The following FHOD3 variants were observed in gnomAD, a reference collection of about 807,000 sequenced individuals.
The protein encoded by FHOD3 is formin homology 2 domain containing 3.
A neutral mutation model predicts 173.0 loss-of-function variants in FHOD3; 90 were observed. The observed-to-expected ratio is 0.52, with a 90% CI of 0.44 to 0.62. FHOD3 has a LOEUF of 0.62. Ranked by LOEUF, FHOD3 falls within the 20% of genes least tolerant of loss-of-function variation. The pLI, the probability that FHOD3 is intolerant of heterozygous loss-of-function variation, is 0.00. For synonymous variants in FHOD3, 828 were observed against 823.0 expected (o/e 1.01, Z -0.10); for missense variants, 1,945 against 2,034.7 (o/e 0.96, Z 0.85).
chr18:36,654,448 A>G (rs2036276232), intron 13 of FHOD3, among the ~76,000 whole-genome samples: 1 of 152,136 alleles, frequency 6.6e-6, no homozygotes, highest in Non-Finnish European at 1.5e-5. Context: ...TGTCTATTGT[A>G]TATATGCTTT....
intron 28 of FHOD3, among the ~76,000 whole-genome samples, chr18:36,774,817 C>T (rs377686061): frequency 2.0e-5 from 3 of 152,182 alleles, no homozygotes; most frequent in Admixed American, 6.5e-5. Context: ...TTTTGCTCTA[C>T]GATCCTACCC....
chr18:36,400,455 G>T (rs542386389), intron 3 of FHOD3, among the ~76,000 whole-genome samples: 41 of 152,286 alleles, frequency 2.7e-4, no homozygotes, highest in African/African-American at 6.0e-4. Flanking sequence ...TCCACTCAAA[G>T]TGTGGTCCCC....
At chr18:36,549,947 CTG>C (rs1599612964) in intron 5 of FHOD3, among the ~76,000 whole-genome samples, 2 of 151,734 alleles carry the variant, frequency 1.3e-5, no homozygotes, top group East Asian at 3.9e-4. Context: ...AAATTTATAA[CTG>C]TGATCTATTT....
chr18:36,566,736 T>A (rs1458731100), intron 5 of FHOD3, among the ~76,000 whole-genome samples: 2 of 151,746 alleles, frequency 1.3e-5, no homozygotes, highest in African/African-American at 2.4e-5. Flanking sequence ...GGGGCAGTAG[T>A]AGAGAGGAAG....
At chr18:36,746,666 G>A (rs1034120651) in intron 23 of FHOD3, among the ~76,000 whole-genome samples, 9 of 152,136 alleles carry the variant, frequency 5.9e-5, no homozygotes, top group Non-Finnish European at 1.5e-5. Flanking sequence ...TTGATATCAT[G>A]TTTTAATTTA....
chr18:36,418,862 C>G (rs138478522), intron 3 of FHOD3, among the ~76,000 whole-genome samples: 1 of 151,964 alleles, frequency 6.6e-6, no homozygotes, highest in African/African-American at 2.4e-5. Flanking sequence ...TGCAATGAGC[C>G]GAGATCGCGC....
At position 36,720,426 on chromosome 18, in the gene FHOD3, T is replaced by C. The variant is rs531721279; in HGVS notation, c.3417+1711T>C. On this transcript the variant is annotated intron_variant, in intron 19 of 28. Transcript: ENST00000590592. ...CTAATTTTTGTATTTTTAGTAGAGA[T>C]GGGGTTTCACCATGTTGGCCAGGCT... 1.1e-3 allele frequency among the ~76,000 whole-genome samples: 167 copies of C among 151,880 alleles called. 2 individuals are homozygous for C. The South Asian group carries it at 0.014, about 13-fold the overall frequency.
intron 28 of FHOD3, among the ~76,000 whole-genome samples, chr18:36,771,693 C>T (rs2043388799): frequency 6.6e-6 from 1 of 152,222 alleles, no homozygotes. Context: ...CAGTTAACTC[C>T]TGGTCTTTCT....
intron 19 of FHOD3, among the ~76,000 whole-genome samples, chr18:36,723,805 A>G (rs769642787): frequency 6.6e-6 from 1 of 152,216 alleles, no homozygotes; most frequent in Non-Finnish European, 1.5e-5. Flanking sequence ...TGATACTAGT[A>G]AAATACTCTT....
chr18:36,779,519 T>C lies in FHOD3; in HGVS notation c.4858T>C (p.Leu1620=). Reference sequence around the variant, plus strand: ...CCTGGGCTTGGTTGGCACCTCGGAGTTGCAGCTGTGACACTCATAGGTTAC... The same window carrying C: ...CCTGGGCTTGGTTGGCACCTCGGAGCTGCAGCTGTGACACTCATAGGTTAC... ...RALGLVGTSE[L]QL is the part of the protein sequence containing the mutation. Residue 1620 remains leucine (L), a synonymous_variant, in exon 29 of 29, where the codon TTG becomes CTG. Coordinates refer to ENST00000590592, the MANE Select transcript of FHOD3 (RefSeq NM_001281740.3). 1 of 1,614,078 alleles carries C rather than the reference T, an allele frequency of 6.2e-7. No individual in the cohort carries two copies. Among genetic ancestry groups the C allele is most frequent in the Non-Finnish European group, 8.5e-7 (1 of 1,179,996 alleles).
At chr18:36,595,041 G>A in intron 7 of FHOD3, 143 bp downstream of exon 7, 2 of 594,044 alleles carry the variant, frequency 3.4e-6, no homozygotes, top group Non-Finnish European at 5.9e-6. Flanking sequence ...ACGTTTTTTA[G>A]GATAGTAAGC....
At chr18:36,723,014 G>A (rs1235946658) in intron 19 of FHOD3, among the ~76,000 whole-genome samples, 2 of 152,174 alleles carry the variant, frequency 1.3e-5, no homozygotes, top group East Asian at 1.9e-4. Flanking sequence ...GCTGAAGTGT[G>A]CCCAGACACT....
intron 3 of FHOD3, among the ~76,000 whole-genome samples, chr18:36,373,313 C>T (rs1026744858): frequency 8.9e-4 from 135 of 152,282 alleles, no homozygotes; most frequent in African/African-American, 2.9e-3. Flanking sequence ...AAAAAAGGAA[C>T]TAAATTTCAC....
intron 14 of FHOD3, among the ~76,000 whole-genome samples, chr18:36,672,989 T>C (rs1400308485): frequency 2.6e-5 from 4 of 152,234 alleles, no homozygotes; most frequent in Admixed American, 6.5e-5. Flanking sequence ...TGTCTTAGCC[T>C]TATCTTTATA....
intron 14 of FHOD3, among the ~76,000 whole-genome samples, chr18:36,661,701 A>T (rs977832998): frequency 2.0e-5 from 3 of 152,192 alleles, no homozygotes; most frequent in African/African-American, 4.8e-5. Context: ...AAGTATATTC[A>T]TGTGTTAGAT....
At chr18:36,578,891 T>G (rs147440548) in intron 6 of FHOD3, among the ~76,000 whole-genome samples, 158 of 152,014 alleles carry the variant, frequency 1.0e-3, no homozygotes, top group African/African-American at 3.6e-3. Flanking sequence ...GATGAGAGAA[T>G]TTTTCCCCAT....
At chr18:36,515,461 C>T (rs937034620) in intron 5 of FHOD3, among the ~76,000 whole-genome samples, 3 of 152,202 alleles carry the variant, frequency 2.0e-5, no homozygotes, top group African/African-American at 7.2e-5. Flanking sequence ...CTCGTGATCA[C>T]CCGCCTCTGC....
intron 3 of FHOD3, among the ~76,000 whole-genome samples, chr18:36,458,853 A>G (rs16967880): frequency 0.047 from 7,095 of 152,018 alleles, 518 homozygotes; most frequent in African/African-American, 0.16. Context: ...CAACCTCTCC[A>G]TGGAACTTGG....
intron 7 of FHOD3, 38 bp downstream of exon 7, chr18:36,594,936 G>A: frequency 7.4e-7 from 1 of 1,355,662 alleles, no homozygotes. Flanking sequence ...TGAAGGTGAA[G>A]GTGTCTAATG....
Sources: allele counts gnomAD v4.1 joint callset (sites outside exome capture counted in the v4.1 genomes callset), GRCh38; gene constraint gnomAD v4.1.1; transcripts MANE v1.5; gene names NCBI Gene and HGNC (gene_info 2026-07-23, HGNC 2026-07-21).